The following STK10 variants were observed in gnomAD, a reference collection of about 807,000 sequenced individuals.
STK10 encodes the protein serine/threonine kinase 10, also known as serine/threonine-protein kinase 10.
STK10 carries 78 observed loss-of-function variants against 113.8 expected under a neutral mutation model. That is an observed-to-expected ratio of 0.69 (90% CI 0.57 to 0.83). The LOEUF is 0.83. Among genes scored for constraint, STK10 ranks in the 40% least tolerant of loss-of-function variants. STK10 has a pLI of 0.00. For missense variants in STK10, 1,109 were observed against 1,280.1 expected (o/e 0.87, Z 2.04); for synonymous variants, 465 against 494.7 (o/e 0.94, Z 0.80).
intron 1 of STK10, among the ~76,000 whole-genome samples, chr5:172,178,870 C>T (rs368831822): frequency 5.9e-5 from 9 of 152,336 alleles, no homozygotes; most frequent in South Asian, 4.1e-4. Flanking sequence ...CATGTGGCAA[C>T]GTCTGGGGAC....
intron 1 of STK10, among the ~76,000 whole-genome samples, chr5:172,164,585 A>AGACC (rs1478162603): frequency 9.2e-5 from 14 of 152,204 alleles, no homozygotes. Flanking sequence ...TGTATCTGAC[A>AGACC]GCTTTGCCAG....
At chr5:172,045,881 G>A (rs921310790) in intron 18 of STK10, among the ~76,000 whole-genome samples, 1 of 151,512 alleles carries the variant, frequency 6.6e-6, no homozygotes, top group African/African-American at 2.4e-5. Flanking sequence ...ATAGAGAAGG[G>A]GTTTCATCGT....
intron 3 of STK10, among the ~76,000 whole-genome samples, chr5:172,125,576 G>A (rs924638716): frequency 7.2e-5 from 11 of 152,150 alleles, no homozygotes; most frequent in African/African-American, 2.7e-4. Context: ...GTAGAGATGG[G>A]TTTTTGCCAT....
intron 13 of STK10, among the ~76,000 whole-genome samples, chr5:172,063,758 C>G (rs1383894950): frequency 6.6e-6 from 1 of 152,192 alleles, no homozygotes; most frequent in Admixed American, 6.5e-5. Context: ...CCTCTCTCAG[C>G]CTTTGTTTCC....
At chr5:172,088,667 G>C (rs887406360) in intron 10 of STK10, among the ~76,000 whole-genome samples, 1 of 152,078 alleles carries the variant, frequency 6.6e-6, no homozygotes, top group Non-Finnish European at 1.5e-5. Context: ...GTGGCTCCAT[G>C]GCCTCCCTAA....
rs115040416 is a variant in STK10 at position 172,055,629 on chromosome 5, C to A, written c.2485G>T (p.Gly829Cys). ...CGCTGCTCAGCTGCGCTGCCCCCGCCGTTGATGTGGAGGCTCTTCTTGTAC... is the reference window on the plus strand; with the variant it reads ...CGCTGCTCAGCTGCGCTGCCCCCGCAGTTGATGTGGAGGCTCTTCTTGTAC... Reference protein sequence around the residue: ...AMYKKSLHINGGGSAAEQREK... With the variant: ...AMYKKSLHINCGGSAAEQREK... The change falls in exon 16 of 19, where the codon GGC (glycine) becomes TGC (cysteine). Residue 829 changes from glycine (G) to cysteine (C), a missense_variant. This residue lies in a region of STK10 where 885 missense variants were observed against 991.1 expected (regional missense o/e 0.89). Transcript: ENST00000176763. The A allele has an allele frequency of 1.9e-6, 3 of 1,560,726 alleles. No homozygotes were observed.
intron 1 of STK10, among the ~76,000 whole-genome samples, chr5:172,163,184 C>T (rs778775415): frequency 8.5e-5 from 13 of 152,152 alleles, no homozygotes; most frequent in Non-Finnish European, 1.5e-4. Flanking sequence ...AGGACTTAAA[C>T]GGAATTTCTC....
intron 4 of STK10, among the ~76,000 whole-genome samples, chr5:172,110,428 C>T (rs544548523): frequency 2.0e-5 from 3 of 152,284 alleles, no homozygotes; most frequent in South Asian, 4.1e-4. Flanking sequence ...CCCGTGGTGG[C>T]GACAGGCACC....
Position 172,117,645 on chromosome 5 carries a change from G to A in STK10, c.371-15C>T, listed in dbSNP as rs774653343. 1.1e-5 allele frequency: 17 copies of A among 1,613,812 alleles called. No homozygotes were observed. The South Asian group carries it at 1.6e-4, about 16-fold the overall frequency. ...TCTGTCCAGCTCTGGAAATGGAGGAGAACGGCTGTCAATTCAGTAAGCCCT... is the reference window on the plus strand; with the variant it reads ...TCTGTCCAGCTCTGGAAATGGAGGAAAACGGCTGTCAATTCAGTAAGCCCT... On this transcript the variant is annotated splice_polypyrimidine_tract_variant and intron_variant, in intron 3 of 18. Transcript: ENST00000176763.
chr5:172,067,329 C>T (rs1768091278), intron 12 of STK10, among the ~76,000 whole-genome samples: 1 of 151,858 alleles, frequency 6.6e-6, no homozygotes, highest in Admixed American at 6.6e-5. Flanking sequence ...TGCACTCCAT[C>T]CTGGGCAACA....
At chr5:172,170,994 A>T (rs1241227656) in intron 1 of STK10, among the ~76,000 whole-genome samples, 1 of 152,194 alleles carries the variant, frequency 6.6e-6, no homozygotes, top group Non-Finnish European at 1.5e-5. Context: ...CCCTGCCTGC[A>T]TGTGTTTAAG....
chr5:172,161,744 A>G (rs1398281941), intron 1 of STK10, among the ~76,000 whole-genome samples: 1 of 152,154 alleles, frequency 6.6e-6, no homozygotes, highest in Non-Finnish European at 1.5e-5. Flanking sequence ...GGTGCTGTCA[A>G]TATCTCATAG....
intron 18 of STK10, among the ~76,000 whole-genome samples, chr5:172,049,591 T>C (rs1767582351): frequency 6.7e-6 from 1 of 150,010 alleles, no homozygotes; most frequent in African/African-American, 2.5e-5. Context: ...CACGAACCCC[T>C]AGGGGGCCCA....
intron 10 of STK10, among the ~76,000 whole-genome samples, chr5:172,087,118 G>A (rs997558010): frequency 7.2e-6 from 1 of 139,068 alleles, no homozygotes; most frequent in Admixed American, 6.9e-5. Flanking sequence ...GTGTGTGTGT[G>A]TGTGTGTGTG....
intron 4 of STK10, among the ~76,000 whole-genome samples, chr5:172,109,797 T>C (rs180985183): frequency 3.8e-4 from 58 of 152,354 alleles, no homozygotes; most frequent in African/African-American, 1.0e-3. Context: ...GATGCTCCAT[T>C]TGAAACTCCC....
At chr5:172,173,880 A>G (rs771476339) in intron 1 of STK10, among the ~76,000 whole-genome samples, 1 of 152,344 alleles carries the variant, frequency 6.6e-6, no homozygotes, top group Admixed American at 6.5e-5. Context: ...ACAAGCATCA[A>G]TGTTCGCAAA....
At chr5:172,078,586 C>T (rs935206995) in intron 12 of STK10, among the ~76,000 whole-genome samples, 1 of 136,940 alleles carries the variant, frequency 7.3e-6, no homozygotes, top group African/African-American at 2.8e-5. Flanking sequence ...TGCAGTGACC[C>T]GTGACTGTGC....
chr5:172,070,514 G>A (rs948371803), intron 12 of STK10, among the ~76,000 whole-genome samples: 2 of 148,676 alleles, frequency 1.3e-5, no homozygotes, highest in African/African-American at 2.5e-5. Context: ...ATAGCATTAA[G>A]TGAAATTTAT....
intron 7 of STK10, among the ~76,000 whole-genome samples, chr5:172,099,146 C>A (rs1016381815): frequency 6.6e-6 from 1 of 152,012 alleles, no homozygotes; most frequent in Non-Finnish European, 1.5e-5. Flanking sequence ...ATCCCCATCA[C>A]CATCACCATT....
Sources: gnomAD v4.1 joint callset for allele counts (sites outside exome capture counted in the v4.1 genomes callset) on GRCh38, gnomAD v4.1.1 for gene constraint, gnomAD v4.1.1 regional missense constraint, MANE v1.5 for transcripts, NCBI Gene and HGNC (gene_info 2026-07-23, HGNC 2026-07-21) for gene names.